Variants in SLC35F3 observed in about 807,000 individuals in gnomAD.
SLC35F3 encodes the protein solute carrier family 35 member F3.
SLC35F3 carries 25 observed loss-of-function variants against 49.9 expected under a neutral mutation model. The observed-to-expected ratio is 0.50, with a 90% CI of 0.37 to 0.70. The LOEUF is 0.70. Ranked by LOEUF, SLC35F3 falls within the 30% of genes least tolerant of loss-of-function variation. The probability of loss-of-function intolerance (pLI) is 0.00; values close to 1 mark genes in which losing one functional copy is unlikely to be tolerated. For missense variants in SLC35F3, 525 were observed against 639.8 expected, an observed-to-expected ratio of 0.82 and a Z score of 1.94; for synonymous variants, 275 against 265.4, an observed-to-expected ratio of 1.04 and a Z score of -0.35.
At chr1:234,101,144 G>T (rs1470475175) in intron 2 of SLC35F3, among the ~76,000 whole-genome samples, 1 of 151,916 alleles carries the variant, frequency 6.6e-6, no homozygotes, top group Non-Finnish European at 1.5e-5. Flanking sequence ...TCTCAGAGAG[G>T]TGACCCTGTG....
At chr1:234,218,451 C>T (rs1667155209) in intron 2 of SLC35F3, among the ~76,000 whole-genome samples, 2 of 152,218 alleles carry the variant, frequency 1.3e-5, no homozygotes, top group Admixed American at 1.3e-4. Context: ...GTGATGACAT[C>T]TTGCTCTTAA....
chr1:234,238,587 T>C (rs939738899), intron 3 of SLC35F3, among the ~76,000 whole-genome samples: 2 of 152,124 alleles, frequency 1.3e-5, no homozygotes, highest in African/African-American at 4.8e-5. Flanking sequence ...TATTCATAGA[T>C]TAGCTCATTT....
chr1:233,965,526 G>A (rs1662889558), intron 2 of SLC35F3, among the ~76,000 whole-genome samples: 1 of 152,206 alleles, frequency 6.6e-6, no homozygotes, highest in South Asian at 2.1e-4. Context: ...GCTGGATGAA[G>A]TAAGCAGGCA....
At chr1:234,077,510 C>T (rs1236241560) in intron 2 of SLC35F3, among the ~76,000 whole-genome samples, 1 of 152,164 alleles carries the variant, frequency 6.6e-6, no homozygotes, top group Non-Finnish European at 1.5e-5. Context: ...TGGGGGAAAC[C>T]ACCCCCATGA....
chr1:234,202,931 C>T (rs946007200), intron 2 of SLC35F3, among the ~76,000 whole-genome samples: 2 of 152,164 alleles, frequency 1.3e-5, no homozygotes, highest in African/African-American at 2.4e-5. Flanking sequence ...GCTGAAACAC[C>T]AATAGAGAGG....
chr1:234,222,111 T>C (rs1397905527), intron 2 of SLC35F3, among the ~76,000 whole-genome samples: 1 of 152,142 alleles, frequency 6.6e-6, no homozygotes, highest in African/African-American at 2.4e-5. Context: ...GCTACATGAG[T>C]ACAACTTGCT....
chr1:234,252,131 A>G (rs1667747621), intron 3 of SLC35F3, among the ~76,000 whole-genome samples: 1 of 151,960 alleles, frequency 6.6e-6, no homozygotes, highest in African/African-American at 2.4e-5. Context: ...GTGCGATGGC[A>G]TGATCTCAGC....
chr1:234,053,972 C>T lies in SLC35F3; in HGVS notation c.283+148214C>T, dbSNP rs550371174. 1.4e-4 allele frequency among the ~76,000 whole-genome samples: 22 copies of T among 152,322 alleles called. No individual in the cohort carries two copies. The East Asian group carries it at 3.7e-3, about 25-fold the overall frequency. On this transcript the variant is annotated intron_variant, in intron 2 of 7. Transcript: ENST00000366618. ...TTTAAGAATGTTGAATATTGGCCCCCACTCTCTTCTGGCTTGTAGAGTTTC... is the reference window on the plus strand; with the variant it reads ...TTTAAGAATGTTGAATATTGGCCCCTACTCTCTTCTGGCTTGTAGAGTTTC...
chr1:234,241,299 A>G (rs924576687), intron 3 of SLC35F3, among the ~76,000 whole-genome samples: 2 of 152,126 alleles, frequency 1.3e-5, no homozygotes, highest in African/African-American at 4.8e-5. Context: ...AGGGATATAG[A>G]AAGGAATGAG....
At chr1:233,909,545 TG>T (rs1431969794) in intron 2 of SLC35F3, among the ~76,000 whole-genome samples, 1 of 152,246 alleles carries the variant, frequency 6.6e-6, no homozygotes, top group Non-Finnish European at 1.5e-5. Context: ...TATGTGGAAT[TG>T]CTCTACTCTT....
At chr1:234,321,943 G>A (rs1355324617) in intron 7 of SLC35F3, among the ~76,000 whole-genome samples, 1 of 152,144 alleles carries the variant, frequency 6.6e-6, no homozygotes, top group Non-Finnish European at 1.5e-5. Flanking sequence ...CACTTTGGGA[G>A]GCCAAGGTGG....
At chr1:234,120,762 C>T (rs1289540492) in intron 2 of SLC35F3, among the ~76,000 whole-genome samples, 5 of 152,204 alleles carry the variant, frequency 3.3e-5, no homozygotes, top group African/African-American at 1.2e-4. Context: ...CCCTGCAGGA[C>T]GCCTCACTGC....
chr1:233,948,206 AGAGAGGGAGAGAGGGAGAGAGG>A (rs1662545727), intron 2 of SLC35F3, among the ~76,000 whole-genome samples: 1 of 139,742 alleles, frequency 7.2e-6, no homozygotes, highest in African/African-American at 2.8e-5. Context: ...AGAGAGAGGG[AGAGAGGGAGAGAGGGAGAGAGG>A]GAGAGAGAGA....
chr1:234,009,228 A>G (rs1167714838), intron 2 of SLC35F3, among the ~76,000 whole-genome samples: 1 of 152,040 alleles, frequency 6.6e-6, no homozygotes, highest in Admixed American at 6.5e-5. Context: ...TTTTCCTTCT[A>G]TTTTTCAAAT....
chr1:234,124,470 G>A (rs1665618075), intron 2 of SLC35F3, among the ~76,000 whole-genome samples: 1 of 152,006 alleles, frequency 6.6e-6, no homozygotes, highest in Admixed American at 6.6e-5. Flanking sequence ...CTTCCCCTAG[G>A]GGCTGAAATA....
chr1:234,119,277 T>C (rs12089698), intron 2 of SLC35F3, among the ~76,000 whole-genome samples: 32,084 of 150,682 alleles, frequency 0.21, 3,791 homozygotes, highest in Non-Finnish European at 0.27. Flanking sequence ...CACAGCCTTA[T>C]AGGGCCTCTC....
chr1:234,266,703 G>A (rs962343553), intron 3 of SLC35F3, among the ~76,000 whole-genome samples: 4 of 152,120 alleles, frequency 2.6e-5, no homozygotes, highest in Admixed American at 6.5e-5. Flanking sequence ...CCTATGCAGC[G>A]TGTTACGGTA....
chr1:234,310,603 A>G (rs1182177006), intron 4 of SLC35F3, among the ~76,000 whole-genome samples: 1 of 152,184 alleles, frequency 6.6e-6, no homozygotes, highest in African/African-American at 2.4e-5. Flanking sequence ...GCCTGACTCG[A>G]TGCTGAAGAT....
rs1189994196 is a variant in SLC35F3 at position 233,904,888 on chromosome 1, C to T, written c.-190C>T. On this transcript the variant is annotated 5_prime_UTR_variant, in exon 1 of 8. Transcript: ENST00000366618. ...CTGAACCGCCGCGCCTGCATCGTGCCGCACGCCGCGGAGGCGCTCGGGTAC... is the reference window on the plus strand; with the variant it reads ...CTGAACCGCCGCGCCTGCATCGTGCTGCACGCCGCGGAGGCGCTCGGGTAC... 1.1e-4 allele frequency: 45 copies of T among 416,462 alleles called. No homozygotes were observed. Among genetic ancestry groups the T allele is most frequent in the Non-Finnish European group, 1.6e-4 (40 of 247,388 alleles). 25.8% of individuals were successfully genotyped at this position (416,462 alleles called of 1,614,324 possible).
Sources: allele counts gnomAD v4.1 joint callset (sites outside exome capture counted in the v4.1 genomes callset), GRCh38; gene constraint gnomAD v4.1.1; transcripts MANE v1.5; gene names NCBI Gene and HGNC (gene_info 2026-07-23, HGNC 2026-07-21).